Variants in CFAP221 observed in about 807,000 individuals in gnomAD.
CFAP221 encodes cilia and flagella associated protein 221.
Under a neutral mutation model 113.1 loss-of-function variants are expected in CFAP221, and 97 were observed. That is an observed-to-expected ratio of 0.86 (90% confidence interval 0.73 to 1.02). The LOEUF (loss-of-function observed/expected upper bound fraction) is 1.02. Ranked by LOEUF, CFAP221 falls within the 50% of genes least tolerant of loss-of-function variation. The pLI is 0.00. For synonymous variants in CFAP221, 331 were observed against 354.4 expected (o/e 0.93, Z 0.74); for missense variants, 1,025 against 1,013.4 (o/e 1.01, Z -0.16).
chr2:119,634,217 G>A (rs1167863221), intron 19 of CFAP221, among the ~76,000 whole-genome samples: 1 of 152,088 alleles, frequency 6.6e-6, no homozygotes, highest in African/African-American at 2.4e-5. Flanking sequence ...GTTCATGCCT[G>A]TACTCTTAAC....
chr2:119,560,305 T>G (rs2104537523), intron 5 of CFAP221, among the ~76,000 whole-genome samples: 2 of 152,328 alleles, frequency 1.3e-5, no homozygotes, highest in Middle Eastern at 6.8e-3. Context: ...AAGCTTCATC[T>G]ATCATGTGGT....
intron 6 of CFAP221, among the ~76,000 whole-genome samples, chr2:119,566,894 G>A: frequency 6.6e-6 from 1 of 151,992 alleles, no homozygotes. Context: ...CAAAATATAT[G>A]TAGCATAAAA....
At chr2:119,579,296 T>G (rs1682685512) in intron 6 of CFAP221, among the ~76,000 whole-genome samples, 1 of 151,698 alleles carries the variant, frequency 6.6e-6, no homozygotes, top group Non-Finnish European at 1.5e-5. Context: ...AGGCACGAGA[T>G]ATATATATAT....
chr2:119,589,027 C>T (rs1034556129), intron 7 of CFAP221, among the ~76,000 whole-genome samples: 1 of 152,152 alleles, frequency 6.6e-6, no homozygotes, highest in Non-Finnish European at 1.5e-5. Flanking sequence ...GAGGGAAGCC[C>T]TGCAAGCCAG....
At chr2:119,636,931 AAG>A (rs1426425514) in intron 19 of CFAP221, among the ~76,000 whole-genome samples, 1 of 152,130 alleles carries the variant, frequency 6.6e-6, no homozygotes, top group Admixed American at 6.5e-5. Context: ...AAGGCAGACC[AAG>A]AGAGGCGGCC....
intron 6 of CFAP221, among the ~76,000 whole-genome samples, chr2:119,563,706 C>T (rs569221189): frequency 5.3e-4 from 81 of 152,288 alleles, no homozygotes; most frequent in African/African-American, 1.9e-3. Context: ...GAATATCACT[C>T]ATGGTGAAAA....
chr2:119,608,067 T>C (rs547479152), intron 11 of CFAP221, among the ~76,000 whole-genome samples: 1 of 152,346 alleles, frequency 6.6e-6, no homozygotes, highest in East Asian at 1.9e-4. Flanking sequence ...TATGTTTAAC[T>C]TTTTGTGGTG....
intron 19 of CFAP221, among the ~76,000 whole-genome samples, chr2:119,637,001 C>G (rs1410709975): frequency 6.6e-6 from 1 of 152,184 alleles, no homozygotes; most frequent in Non-Finnish European, 1.5e-5. Context: ...CTGAAGCCCA[C>G]ACAGGTCATT....
chr2:119,653,413 T>C (rs1338659701), intron 23 of CFAP221, among the ~76,000 whole-genome samples: 2 of 152,124 alleles, frequency 1.3e-5, no homozygotes, highest in African/African-American at 2.4e-5. Context: ...TAAATACATA[T>C]GGTTTTAACA....
intron 15 of CFAP221, among the ~76,000 whole-genome samples, chr2:119,627,342 C>T (rs550700626): frequency 6.6e-6 from 1 of 152,080 alleles, no homozygotes; most frequent in Non-Finnish European, 1.5e-5. Context: ...ATAAAATTTA[C>T]TTGTGAATTC....
chr2:119,612,624 C>A (rs1352985779), intron 13 of CFAP221, among the ~76,000 whole-genome samples: 1 of 152,194 alleles, frequency 6.6e-6, no homozygotes, highest in Non-Finnish European at 1.5e-5. Flanking sequence ...CCATATCATT[C>A]TGCCTCTGGC....
Position 119,601,376 on chromosome 2 carries a change from C to A in CFAP221, c.790C>A (p.Pro264Thr). 6.6e-7 allele frequency: 1 copy of A among 1,513,100 alleles called. No individual in the cohort carries two copies. Among genetic ancestry groups the A allele is most frequent in the South Asian group, 1.2e-5 (1 of 81,514 alleles). The allele number at this position is 1,513,100 out of a possible 1,614,324, so 93.7% of individuals were successfully genotyped here. A position where few individuals can be genotyped will look rare whatever the true frequency, so the allele number is the denominator to read the frequency against. The change falls in exon 8 of 24, where the codon CCA (proline) becomes ACA (threonine). Residue 264 changes from proline to threonine, a missense_variant and splice_region_variant. By Grantham distance (38) the Pro-to-Thr change is conservative (BLOSUM62 -1). Transcript: ENST00000413369. ...AACATGCTATCCCAACATGGCCTTA[C>A]CGTATGGCGTCTTTGCAGTGTTTTT... is the stretch of plus-strand genomic sequence containing the variant. ...TGTCYPNMAL[P>T]LEEFERLNTL... is the part of the protein sequence containing the mutation.
chr2:119,606,686 C>A (rs890055320), intron 11 of CFAP221, among the ~76,000 whole-genome samples: 2 of 152,128 alleles, frequency 1.3e-5, no homozygotes, highest in Non-Finnish European at 2.9e-5. Flanking sequence ...CAGCAGTGAC[C>A]AGTGACCACT....
intron 22 of CFAP221, among the ~76,000 whole-genome samples, chr2:119,649,627 G>T (rs773813072): frequency 6.6e-6 from 1 of 152,176 alleles, no homozygotes; most frequent in Non-Finnish European, 1.5e-5. Flanking sequence ...ATGCAGTCTC[G>T]TCTGCATGTC....
intron 15 of CFAP221, among the ~76,000 whole-genome samples, chr2:119,626,773 A>G (rs1401046083): frequency 2.0e-5 from 3 of 151,928 alleles, no homozygotes; most frequent in African/African-American, 2.4e-5. Context: ...CCCCTGGATA[A>G]TTAAAAATTA....
At chr2:119,559,274 T>C (rs1352990955) in intron 3 of CFAP221, among the ~76,000 whole-genome samples, 1 of 152,224 alleles carries the variant, frequency 6.6e-6, no homozygotes, top group Non-Finnish European at 1.5e-5. Flanking sequence ...CAGTGTCCTC[T>C]GGGCCCCTAA....
At chr2:119,606,687 A>C (rs943000911) in intron 11 of CFAP221, among the ~76,000 whole-genome samples, 2 of 152,212 alleles carry the variant, frequency 1.3e-5, no homozygotes, top group Non-Finnish European at 2.9e-5. Flanking sequence ...AGCAGTGACC[A>C]GTGACCACTG....
At chr2:119,587,627 G>A (rs549499179) in intron 7 of CFAP221, among the ~76,000 whole-genome samples, 5 of 152,214 alleles carry the variant, frequency 3.3e-5, no homozygotes, top group African/African-American at 9.6e-5. Flanking sequence ...ATGCCCCAGA[G>A]GACATAGATC....
In CFAP221 at chr2:119,656,586, T is replaced by C; in HGVS notation, c.*116T>C. The C allele has an allele frequency of 1.5e-6, 1 of 657,164 alleles. No individual in the cohort carries two copies. Among genetic ancestry groups the C allele is most frequent in the Non-Finnish European group, 2.7e-6 (1 of 367,570 alleles). The allele number at this position is 657,164 out of a possible 1,614,324, so 40.7% of individuals were successfully genotyped here. On this transcript the variant is annotated 3_prime_UTR_variant, in exon 24 of 24. Transcript: ENST00000413369. ...AAAGTTTCTGGATAAAAAAATGAAA[T>C]GTAGAGGATGTATATATCTTTTAAG...
Sources: gnomAD v4.1 joint callset for allele counts (sites outside exome capture counted in the v4.1 genomes callset) on GRCh38, gnomAD v4.1.1 for gene constraint, MANE v1.5 for transcripts, NCBI Gene and HGNC (gene_info 2026-07-23, HGNC 2026-07-21) for gene names.